The following HPSE2 variants were observed in gnomAD, a reference collection of about 807,000 sequenced individuals.
The protein encoded by HPSE2 is heparanase 2 (inactive), also known as inactive heparanase-2.
A neutral mutation model predicts 60.5 loss-of-function variants in HPSE2; 38 were observed. The ratio of observed to expected loss-of-function variants is 0.63; its 90% confidence interval spans 0.48 to 0.82. The LOEUF is 0.82. Among genes scored for constraint, HPSE2 ranks in the 40% least tolerant of loss-of-function variants. HPSE2 has a pLI of 0.00. For missense variants in HPSE2, 713 were observed against 740.4 expected (o/e 0.96, Z 0.43); for synonymous variants, 295 against 293.2 (o/e 1.01, Z -0.06).
At position 99,235,665 on chromosome 10, in the gene HPSE2, G is replaced by C. The variant is rs1849815448; in HGVS notation, c.138C>G (p.Pro46=). The stretch of plus-strand genomic sequence containing the variant: ...AACCTGCAGCTCTGTCTACAGGCAA[G>C]GGTCTCCTGTCTCCAGCCTGGGAGG... ...SLSSQAGDRR[P]LPVDRAAGLK... Residue 46 remains proline, a synonymous_variant, in exon 1 of 12, where the codon CCC becomes CCG. Transcript: ENST00000370552. The C allele has an allele frequency of 1.2e-6, 2 of 1,614,012 alleles. No individual in the cohort carries two copies. The highest frequency in any genetic ancestry group is 2.2e-5 in the South Asian group (2 of 91,062).
intron 9 of HPSE2, among the ~76,000 whole-genome samples, chr10:98,499,811 T>G (rs1437613690): frequency 6.6e-6 from 1 of 152,004 alleles, no homozygotes; most frequent in African/African-American, 2.4e-5. Context: ...TCACATAAAG[T>G]AAAGGGGTGG....
the HPSE2 span, among the ~76,000 whole-genome samples, chr10:99,296,998 G>A: frequency 6.6e-6 from 1 of 152,200 alleles, no homozygotes; most frequent in Non-Finnish European, 1.5e-5. Flanking sequence ...AGGGAGCAAA[G>A]CAGAGCTGTA....
In HPSE2 at chr10:98,597,970, CAAAAAAAAAA is replaced by C. The variant is rs571184082; in HGVS notation, c.1320+16924_1320+16933del. Among the ~76,000 whole-genome samples the C allele has an allele frequency of 8.2e-4, 45 of 55,150 alleles. No individual in the cohort carries two copies. The South Asian group carries it at 8.6e-3, about 11-fold the overall frequency. 36.2% of individuals were successfully genotyped at this position (55,150 alleles called of 152,430 possible). A position where few individuals can be genotyped will look rare whatever the true frequency, so the allele number is the denominator to read the frequency against. The stretch of plus-strand genomic sequence containing the variant: ...TGGGTGACAGAGTGAGACTCCATCT[CAAAAAAAAAA>C]AAAAAAAAAAAAAAAAAATTGCTCT... On this transcript the variant is annotated intron_variant, in intron 9 of 11. Transcript: ENST00000370552.
At chr10:99,010,140 T>G (rs1288444378) in intron 3 of HPSE2, among the ~76,000 whole-genome samples, 1 of 152,212 alleles carries the variant, frequency 6.6e-6, no homozygotes, top group Non-Finnish European at 1.5e-5. Context: ...AATGAGATGA[T>G]TTACTGTGCT....
chr10:99,204,805 T>A (rs919864403), intron 2 of HPSE2, among the ~76,000 whole-genome samples: 1 of 152,076 alleles, frequency 6.6e-6, no homozygotes, highest in Non-Finnish European at 1.5e-5. Flanking sequence ...AAAAAGAAAA[T>A]GTTAAGTATG....
intron 9 of HPSE2, among the ~76,000 whole-genome samples, chr10:98,528,865 T>C (rs1259478773): frequency 6.6e-6 from 1 of 152,212 alleles, no homozygotes; most frequent in African/African-American, 2.4e-5. Flanking sequence ...CATATAAATC[T>C]GACAGCTCCA....
intron 9 of HPSE2, among the ~76,000 whole-genome samples, chr10:98,587,517 T>A (rs1944970868): frequency 6.6e-6 from 1 of 152,206 alleles, no homozygotes. Flanking sequence ...CAGAAAATTT[T>A]CCACATGTCC....
intron 9 of HPSE2, among the ~76,000 whole-genome samples, chr10:98,506,281 A>T (rs1336080695): frequency 1.3e-5 from 2 of 152,210 alleles, no homozygotes; most frequent in Non-Finnish European, 2.9e-5. Flanking sequence ...ATGGAGGAGA[A>T]AATGTGAAAA....
chr10:99,172,693 C>A (rs192048830), intron 2 of HPSE2, among the ~76,000 whole-genome samples: 1 of 152,100 alleles, frequency 6.6e-6, no homozygotes, highest in South Asian at 2.1e-4. Context: ...GCCTGGCCAA[C>A]GCGGTGAAAA....
At chr10:99,150,521 A>G (rs1024763067) in intron 2 of HPSE2, among the ~76,000 whole-genome samples, 1 of 152,158 alleles carries the variant, frequency 6.6e-6, no homozygotes, top group African/African-American at 2.4e-5. Flanking sequence ...AAATCTCACT[A>G]TGTTGCCTAG....
At chr10:99,100,096 C>A (rs1048294813) in intron 3 of HPSE2, among the ~76,000 whole-genome samples, 3 of 152,180 alleles carry the variant, frequency 2.0e-5, no homozygotes, top group African/African-American at 7.2e-5. Flanking sequence ...TCTACTCCTC[C>A]AAAGGAACGC....
chr10:98,911,449 TG>T (rs968654972), intron 3 of HPSE2, among the ~76,000 whole-genome samples: 1 of 152,104 alleles, frequency 6.6e-6, no homozygotes, highest in African/African-American at 2.4e-5. Flanking sequence ...ACACTGGAGC[TG>T]GGTGTAGGAA....
chr10:98,560,880 T>C (rs984519575), intron 9 of HPSE2, among the ~76,000 whole-genome samples: 2 of 152,082 alleles, frequency 1.3e-5, no homozygotes, highest in African/African-American at 2.4e-5. Flanking sequence ...TGTACAGTTG[T>C]ATAAAAGTAT....
chr10:98,721,789 T>C lies in HPSE2; in HGVS notation c.824A>G (p.Asn275Ser). 6.2e-7 allele frequency: 1 copy of C among 1,613,672 alleles called. No individual in the cohort carries two copies. The highest frequency in any genetic ancestry group is 8.5e-7 in the Non-Finnish European group (1 of 1,179,828). ...NYRTMHGRAV[N>S]GSQLGKDYIQ... is the part of the protein sequence containing the mutation. ...GTAATCCTTTCCCAACTGGCTGCCA[T>C]TTACTGCCCGGCCATGCATGGTCCG... The change falls in exon 5 of 12, where the codon AAT becomes AGT. Residue 275 changes from asparagine to serine, a missense_variant. By Grantham distance (46) the Asn-to-Ser change is conservative (BLOSUM62 1). Transcript: ENST00000370552.
intron 3 of HPSE2, among the ~76,000 whole-genome samples, chr10:99,060,388 G>T (rs1958210596): frequency 6.6e-6 from 1 of 152,160 alleles, no homozygotes; most frequent in African/African-American, 2.4e-5. Flanking sequence ...GCTGGGCGCA[G>T]TGGCTCATGC....
In HPSE2 at chr10:98,931,816, T is replaced by A. The variant is rs535697453; in HGVS notation, c.611-187760A>T. Among the ~76,000 whole-genome samples, 63 of 144,166 alleles carry A rather than the reference T, an allele frequency of 4.4e-4. 15 individuals carry two copies. Among genetic ancestry groups the A allele is most frequent in the African/African-American group, 1.7e-3 (60 of 35,570 alleles). The allele number at this position is 144,166 out of a possible 152,430, so 94.6% of individuals were successfully genotyped here. A position where few individuals can be genotyped will look rare whatever the true frequency, so the allele number is the denominator to read the frequency against. ...TGCTTGTGATTTCTGCACATTGATT[T>A]TATATCCTGAGACTTTGCTAAAGTT... is the stretch of plus-strand genomic sequence containing the variant. On this transcript the variant is annotated intron_variant, in intron 3 of 11. Transcript: ENST00000370552.
intron 3 of HPSE2, among the ~76,000 whole-genome samples, chr10:98,888,958 A>G (rs1953250915): frequency 6.6e-6 from 1 of 152,120 alleles, no homozygotes; most frequent in South Asian, 2.1e-4. Context: ...TGGGAGGCTG[A>G]GGCAGGAGGA....
chr10:98,675,670 G>A (rs936971207), intron 6 of HPSE2, among the ~76,000 whole-genome samples: 8 of 151,980 alleles, frequency 5.3e-5, no homozygotes, highest in Non-Finnish European at 5.9e-5. Flanking sequence ...TGGAGCTACA[G>A]TGAACTATGA....
At chr10:98,806,093 C>G (rs1951035082) in intron 3 of HPSE2, among the ~76,000 whole-genome samples, 2 of 152,052 alleles carry the variant, frequency 1.3e-5, no homozygotes, top group African/African-American at 4.8e-5. Context: ...TATCAGTCTC[C>G]CTTAAGATAT....
Sources: gnomAD v4.1 joint callset for allele counts (sites outside exome capture counted in the v4.1 genomes callset) on GRCh38, gnomAD v4.1.1 for gene constraint, MANE v1.5 for transcripts, NCBI Gene and HGNC (gene_info 2026-07-23, HGNC 2026-07-21) for gene names.